ZNRF1: variants seen among roughly 807,000 people sequenced by gnomAD.
The protein encoded by ZNRF1 is zinc and ring finger 1.
A neutral mutation model predicts 18.4 loss-of-function variants in ZNRF1; 3 were observed. The ratio of observed to expected loss-of-function variants is 0.16; its 90% confidence interval spans 0.07 to 0.42. ZNRF1 has a LOEUF of 0.42. ZNRF1 is among the 10% of genes least tolerant of loss of function. The pLI is 0.99. For missense variants in ZNRF1, 310 were observed against 329.8 expected (o/e 0.94, Z 0.47); for synonymous variants, 157 against 144.2 (o/e 1.09, Z -0.64).
In ZNRF1 at chr16:75,067,475, T is replaced by A. The variant is rs199591568; in HGVS notation, c.425-26097T>A. On this transcript the variant is annotated intron_variant, in intron 1 of 4. Coordinates refer to ENST00000335325, the MANE Select transcript of ZNRF1 (RefSeq NM_032268.5). ...AAGTAAAACCCGTTCAGAATTCTAA[T>A]TGGATTTTTTGAAGAAATCTTATTT... 7.9e-5 allele frequency among the ~76,000 whole-genome samples: 12 copies of A among 152,354 alleles called. No individual in the cohort carries two copies. In the East Asian group the frequency reaches 2.3e-3, roughly 29 times the overall value.
At chr16:75,009,974 A>G (rs1174181261) in intron 1 of ZNRF1, among the ~76,000 whole-genome samples, 1 of 151,762 alleles carries the variant, frequency 6.6e-6, no homozygotes, top group East Asian at 1.9e-4. Context: ...CCATGTTTGA[A>G]TCAGGTTGCC....
intron 1 of ZNRF1, among the ~76,000 whole-genome samples, chr16:75,010,733 G>C (rs1272964240): frequency 2.9e-5 from 1 of 35,060 alleles, no homozygotes; most frequent in African/African-American, 1.4e-4. Context: ...TTTTTTTTTT[G>C]AGGAGTCTCG....
chr16:75,069,706 A>G (rs762496719), intron 1 of ZNRF1, among the ~76,000 whole-genome samples: 1 of 152,150 alleles, frequency 6.6e-6, no homozygotes, highest in Admixed American at 6.5e-5. Flanking sequence ...GCCATTGTGC[A>G]TGGCCTCATC....
intron 1 of ZNRF1, among the ~76,000 whole-genome samples, chr16:75,072,116 T>C (rs978145760): frequency 3.9e-5 from 6 of 151,968 alleles, no homozygotes; most frequent in African/African-American, 1.4e-4. Context: ...ATTTTTTTTT[T>C]TTAATTATCA....
At chr16:75,055,223 T>C (rs574413803) in intron 1 of ZNRF1, among the ~76,000 whole-genome samples, 2 of 152,366 alleles carry the variant, frequency 1.3e-5, no homozygotes, top group South Asian at 4.1e-4. Flanking sequence ...AAAGGAACTG[T>C]TTCTCAGGTT....
chr16:75,005,595 C>T (rs1172305338), intron 1 of ZNRF1, among the ~76,000 whole-genome samples: 2 of 152,192 alleles, frequency 1.3e-5, no homozygotes, highest in African/African-American at 4.8e-5. Context: ...GGATTCGTTC[C>T]AATACCCACA....
At chr16:75,075,450 T>G (rs1423248621) in intron 1 of ZNRF1, among the ~76,000 whole-genome samples, 1 of 152,252 alleles carries the variant, frequency 6.6e-6, no homozygotes, top group Admixed American at 6.5e-5. Flanking sequence ...ACTGTCCTAC[T>G]TAACCCTCGC....
chr16:75,066,537 C>T (rs941754458), intron 1 of ZNRF1, among the ~76,000 whole-genome samples: 3 of 152,168 alleles, frequency 2.0e-5, no homozygotes, highest in Non-Finnish European at 4.4e-5. Flanking sequence ...CAGTTTTGCT[C>T]GGTCACCTAG....
intron 1 of ZNRF1, among the ~76,000 whole-genome samples, chr16:75,020,237 A>G (rs1816038522): frequency 6.6e-6 from 1 of 152,094 alleles, no homozygotes; most frequent in Non-Finnish European, 1.5e-5. Context: ...CTTTTTGTAA[A>G]TATTTGCCTG....
chr16:75,068,165 T>G (rs1597892439), intron 1 of ZNRF1, among the ~76,000 whole-genome samples: 1 of 118,088 alleles, frequency 8.5e-6, no homozygotes, highest in Non-Finnish European at 1.7e-5. Context: ...ACCAACCTGG[T>G]GAAAAAGAGC....
chr16:75,069,029 C>T (rs2035837664), intron 1 of ZNRF1, among the ~76,000 whole-genome samples: 1 of 151,964 alleles, frequency 6.6e-6, no homozygotes, highest in Admixed American at 6.6e-5. Context: ...ACCAAAGGGA[C>T]CCAAGAAAGT....
intron 1 of ZNRF1, among the ~76,000 whole-genome samples, chr16:75,067,844 C>A (rs2035824030): frequency 6.6e-6 from 1 of 152,024 alleles, no homozygotes; most frequent in Non-Finnish European, 1.5e-5. Flanking sequence ...ATGGTAACAC[C>A]ACAAAATTAA....
chr16:75,010,391 A>G (rs2034979256), intron 1 of ZNRF1, among the ~76,000 whole-genome samples: 1 of 152,258 alleles, frequency 6.6e-6, no homozygotes, highest in Non-Finnish European at 1.5e-5. Flanking sequence ...CCCCTCGGGA[A>G]TAAGTAATAA....
In ZNRF1 at chr16:75,109,868, C is replaced by A. The variant is rs952106587; in HGVS notation, c.*2168C>A. The A allele has an allele frequency of 6.6e-6, 1 of 152,402 alleles. No homozygotes were observed. The highest frequency in any genetic ancestry group is 2.4e-5 in the African/African-American group (1 of 41,478). The allele number at this position is 152,402 out of a possible 1,614,324, so 9.4% of individuals were successfully genotyped here. ...AAAGGGCACTGTTCTATTCACAGCACCTCCTGCTTCTGCCTGGCAACTGTG... is the reference window on the plus strand; with the variant it reads ...AAAGGGCACTGTTCTATTCACAGCAACTCCTGCTTCTGCCTGGCAACTGTG... On this transcript the variant is annotated 3_prime_UTR_variant, in exon 5 of 5. Transcript: ENST00000335325.
intron 1 of ZNRF1, among the ~76,000 whole-genome samples, chr16:75,041,300 T>C (rs2145362052): frequency 6.6e-6 from 1 of 152,250 alleles, no homozygotes; most frequent in Admixed American, 6.5e-5. Flanking sequence ...AGGTATGTAG[T>C]GGTACCACAT....
rs77079214 is a variant in ZNRF1 at position 75,028,774 on chromosome 16, G to A, written c.424+28679G>A. On this transcript the variant is annotated intron_variant, in intron 1 of 4. Transcript: ENST00000335325. ...GTACTGCTAAATCCAGTAGCCTATT[G>A]TCAGTTCTCAGTTTGGGAAAAGTGG... Among the ~76,000 whole-genome samples, 521 of 152,320 alleles carry A rather than the reference G, an allele frequency of 3.4e-3. 2 individuals are homozygous for A. Among genetic ancestry groups the A allele is most frequent in the African/African-American group, 0.012 (499 of 41,580 alleles).
At chr16:75,101,672 A>T (rs1281364779) in intron 2 of ZNRF1, among the ~76,000 whole-genome samples, 1 of 152,244 alleles carries the variant, frequency 6.6e-6, no homozygotes, top group East Asian at 1.9e-4. Context: ...AGTAAAATGC[A>T]AACACCAGTA....
At chr16:75,020,643 G>A (rs770700170) in intron 1 of ZNRF1, among the ~76,000 whole-genome samples, 6 of 151,850 alleles carry the variant, frequency 4.0e-5, no homozygotes, top group Non-Finnish European at 7.4e-5. Context: ...CCAGGTTCAC[G>A]CCATTCTCTT....
At chr16:75,003,697 G>T (rs962081120) in intron 1 of ZNRF1, among the ~76,000 whole-genome samples, 1 of 152,178 alleles carries the variant, frequency 6.6e-6, no homozygotes, top group Non-Finnish European at 1.5e-5. Flanking sequence ...GCTGGCCTAC[G>T]AGTCAGAGTG....
Sources: gnomAD v4.1 joint callset for allele counts (sites outside exome capture counted in the v4.1 genomes callset) on GRCh38, gnomAD v4.1.1 for gene constraint, MANE v1.5 for transcripts, NCBI Gene and HGNC (gene_info 2026-07-23, HGNC 2026-07-21) for gene names.